Variants in NUDT14 observed in about 807,000 individuals in gnomAD.
NUDT14 encodes the protein uridine diphosphate glucose pyrophosphatase NUDT14.
In NUDT14, 22 loss-of-function variants were observed where a neutral mutation model predicts 17.5. That is an observed-to-expected ratio of 1.26 (90% CI 0.90 to 1.80). The LOEUF is 1.80. NUDT14 is among the 40% of genes most tolerant of loss of function. NUDT14 has a pLI of 0.00. For synonymous variants in NUDT14, 129 were observed against 125.8 expected (o/e 1.03, Z -0.17); for missense variants, 296 against 295.6 (o/e 1.00, Z -0.01).
At chr14:105,177,324 G>A (rs1354496934) in intron 2 of NUDT14, 10 of 574,526 alleles carry the variant, frequency 1.7e-5, no homozygotes, top group Non-Finnish European at 3.2e-5. Context: ...GAGGCCGGGT[G>A]ACTGACAGGA....
At chr14:105,175,103 T>A (rs1196469364) in intron 4 of NUDT14, among the ~76,000 whole-genome samples, 1 of 152,172 alleles carries the variant, frequency 6.6e-6, no homozygotes, top group Non-Finnish European at 1.5e-5. Flanking sequence ...AATCAGGCTG[T>A]GGCCCAGAGG....
In NUDT14 at chr14:105,173,076, AT is replaced by A; in HGVS notation, c.613del (p.Ile205SerfsTer24). On this transcript the variant is annotated frameshift_variant, in exon 5 of 5. Coordinates refer to ENST00000392568, the MANE Select transcript of NUDT14 (RefSeq NM_177533.5). LOFTEE classifies it high-confidence loss of function. This position sits in a 1 kb window ranked among gnomAD's most constrained non-coding sequence, Gnocchi z 4.7. ...DPDIPKTLGV[I>X]FGVSWFLSQV... ...GCTGAGGAACCATGAGACACCAAAG[AT>A]GACGCCGAGGGTCTTGGGGATGTCC... 6.5e-7 allele frequency: 1 copy of A among 1,546,768 alleles called. No homozygotes were observed. Among genetic ancestry groups the A allele is most frequent in the Non-Finnish European group, 8.7e-7 (1 of 1,147,478 alleles).
At position 105,181,291 on chromosome 14, in the gene NUDT14, G is replaced by C; in HGVS notation, c.-82C>G. On this transcript the variant is annotated 5_prime_UTR_variant, in exon 1 of 5. Transcript: ENST00000392568. This position sits in a 1 kb window ranked among gnomAD's most constrained non-coding sequence, Gnocchi z 5.0. ...GCCCTGTCCCGACAGGAGCCTTCGGGCGGGCGCGTGACCGCGGCTCTGAGC... is the reference window on the plus strand; with the variant it reads ...GCCCTGTCCCGACAGGAGCCTTCGGCCGGGCGCGTGACCGCGGCTCTGAGC... 1.7e-6 allele frequency: 1 copy of C among 593,610 alleles called. No homozygotes were observed. Among genetic ancestry groups the C allele is most frequent in the Non-Finnish European group, 2.2e-6 (1 of 452,306 alleles). The allele number at this position is 593,610 out of a possible 1,614,324, so 36.8% of individuals were successfully genotyped here.
chr14:105,177,860 C>A (rs986832351), intron 1 of NUDT14, 125 bp from the exon 2 acceptor site: 84 of 842,762 alleles, frequency 1.0e-4, no homozygotes, highest in Non-Finnish European at 1.4e-4. Context: ...CCTGGGCCCA[C>A]GGGAGCCAGG....
In NUDT14 at chr14:105,177,552, G is replaced by A. The variant is rs977353440; in HGVS notation, c.125+140C>T. 3.7e-5 allele frequency: 28 copies of A among 766,928 alleles called. No individual in the cohort carries two copies. In the East Asian group the frequency reaches 4.3e-4, roughly 12 times the overall value. The allele number at this position is 766,928 out of a possible 1,614,324, so 47.5% of individuals were successfully genotyped here. A position where few individuals can be genotyped will look rare whatever the true frequency, so the allele number is the denominator to read the frequency against. ...CTCAGGGATAGGAAACCCAGAGGCC[G>A]GGCAGAGAGAAGGGACTTTTGGAGC... is the stretch of plus-strand genomic sequence containing the variant. On this transcript the variant is annotated intron_variant, in intron 2 of 4. Transcript: ENST00000392568.
At chr14:105,176,301 C>T (rs587640537) in intron 4 of NUDT14, 36 of 592,466 alleles carry the variant, frequency 6.1e-5, no homozygotes, top group Admixed American at 3.9e-4. Context: ...CTGCCTCACA[C>T]AGCTGGGGGC....
chr14:105,177,667 TGGCCAGGCTG>T lies in NUDT14; in HGVS notation c.125+15_125+24del, dbSNP rs1889244741. ...AGACATCAGTCTGGGGCTTCCCCAG[TGGCCAGGCTG>T]GGCCAGGCTCTCACCTGTCATGCGT... On this transcript the variant is annotated intron_variant, in intron 2 of 4. Transcript: ENST00000392568. 1 of 1,610,738 alleles carries T rather than the reference TGGCCAGGCTG, an allele frequency of 6.2e-7. No homozygotes were observed. The highest frequency in any genetic ancestry group is 8.5e-7 in the Non-Finnish European group (1 of 1,178,416).
At chr14:105,176,813 G>A (rs1379067669) in intron 3 of NUDT14, 42 bp from the exon 4 acceptor site, 41 of 1,593,754 alleles carry the variant, frequency 2.6e-5, no homozygotes, top group Non-Finnish European at 3.5e-5. Flanking sequence ...GCCACGTGGT[G>A]GCCACCTCCA....
intron 2 of NUDT14, chr14:105,177,297 T>C: frequency 1.6e-6 from 1 of 611,640 alleles, no homozygotes; most frequent in Non-Finnish European, 3.0e-6. Flanking sequence ...GCTGAGTAGG[T>C]CAGGGTGCTC....
chr14:105,180,205 C>A lies in NUDT14; in HGVS notation c.81+924G>T, dbSNP rs587765497. On this transcript the variant is annotated intron_variant, in intron 1 of 4. Transcript: ENST00000392568. The stretch of plus-strand genomic sequence containing the variant: ...CTTCACCCAACACATATGCCTCATG[C>A]CTGTAATCCCCATGCTTTGGGAAGC... Among the ~76,000 whole-genome samples the A allele has an allele frequency of 3.9e-3, 597 of 152,292 alleles. 2 individuals are homozygous for A. The highest frequency in any genetic ancestry group is 5.6e-3 in the Non-Finnish European group (382 of 68,018).
Position 105,173,471 on chromosome 14 carries a change from T to C in NUDT14, c.429-210A>G. 2.3e-6 allele frequency: 1 copy of C among 441,436 alleles called. No individual in the cohort carries two copies. The highest frequency in any genetic ancestry group is 3.9e-6 in the Non-Finnish European group (1 of 259,368). The allele number at this position is 441,436 out of a possible 1,614,324, so 27.3% of individuals were successfully genotyped here. A position where few individuals can be genotyped will look rare whatever the true frequency, so the allele number is the denominator to read the frequency against. On this transcript the variant is annotated intron_variant, in intron 4 of 4. Coordinates refer to ENST00000392568, the MANE Select transcript of NUDT14 (RefSeq NM_177533.5). This position sits in a 1 kb window ranked among gnomAD's most constrained non-coding sequence, Gnocchi z 4.7. ...GCAGGGCATCCCTTCCCTGATCACG[T>C]TGTACTCGCCAGGTGGGGTGGGTGT...
In NUDT14 at chr14:105,177,733, A is replaced by G; in HGVS notation, c.84T>C (p.Asn28=). ...TGAAGTCCCAGGACTTCTGGGCACCATTCTAGAAGGGGCAGGTCAGCGGTT... is the reference window on the plus strand; with the variant it reads ...TGAAGTCCCAGGACTTCTGGGCACCGTTCTAGAAGGGGCAGGTCAGCGGTT... ...LRPLTLHYRQ[N]GAQKSWDFMK... is the part of the protein sequence containing the mutation. Residue 28 remains asparagine, a splice_region_variant and synonymous_variant, in exon 2 of 5, where the codon AAT becomes AAC. Coordinates refer to ENST00000392568, the MANE Select transcript of NUDT14 (RefSeq NM_177533.5). The G allele has an allele frequency of 2.5e-6, 4 of 1,612,218 alleles. No homozygotes were observed. The highest frequency in any genetic ancestry group is 1.7e-6 in the Non-Finnish European group (2 of 1,179,544).
chr14:105,176,233 G>A (rs892568725), intron 4 of NUDT14, among the ~76,000 whole-genome samples: 3 of 152,116 alleles, frequency 2.0e-5, no homozygotes, highest in Admixed American at 6.6e-5. Context: ...CACCCCCAGC[G>A]CCCGGTCTTA....
In NUDT14 at chr14:105,176,553, G is replaced by T; in HGVS notation, c.409C>A (p.Arg137Ser). Residue 137 changes from arginine to serine, a missense_variant, in exon 4 of 5, where the codon CGC (arginine) becomes AGC (serine). Transcript: ENST00000392568. The part of the protein sequence containing the change: ...CGYHLAPSDL[R>S]RVATYWSGVG... ...ACTCACCAGTATGTGGCGACCCGGC[G>T]CAGATCAGAGGGGGCCAAGTGGTAG... 1.2e-6 allele frequency: 2 copies of T among 1,612,532 alleles called. No individual in the cohort carries two copies. Among genetic ancestry groups the T allele is most frequent in the Non-Finnish European group, 8.5e-7 (1 of 1,179,772 alleles).
rs780271901 is a variant in NUDT14 at position 105,173,613 on chromosome 14, G to C, written c.429-352C>G. Reference sequence around the variant, plus strand: ...AGAGGGTGTTTCAACGCCAGAAAGGGAGAAATTCAGGCCAGTCCTGCTGGC... The same window carrying C: ...AGAGGGTGTTTCAACGCCAGAAAGGCAGAAATTCAGGCCAGTCCTGCTGGC... On this transcript the variant is annotated intron_variant, in intron 4 of 4. Transcript: ENST00000392568. This position sits in a 1 kb window ranked among gnomAD's most constrained non-coding sequence, Gnocchi z 4.7. 1 of 191,098 alleles carries C rather than the reference G, an allele frequency of 5.2e-6. No individual in the cohort carries two copies. The highest frequency in any genetic ancestry group is 1.1e-5 in the Non-Finnish European group (1 of 94,014). The allele number at this position is 191,098 out of a possible 1,614,324, so 11.8% of individuals were successfully genotyped here. A position where few individuals can be genotyped will look rare whatever the true frequency, so the allele number is the denominator to read the frequency against.
At position 105,176,963 on chromosome 14, in the gene NUDT14, C is replaced by T. The variant is rs1191625528; in HGVS notation, c.190G>A (p.Ala64Thr). 12 of 1,611,702 alleles carry T rather than the reference C, an allele frequency of 7.4e-6. No homozygotes were observed. Among genetic ancestry groups the T allele is most frequent in the Non-Finnish European group, 1.0e-5 (12 of 1,179,650 alleles). Residue 64 changes from alanine to threonine, a missense_variant and splice_region_variant, in exon 3 of 5, where the codon GCT becomes ACT. Ala to Thr is a moderately conservative substitution (Grantham distance 58). Coordinates refer to ENST00000392568, the MANE Select transcript of NUDT14 (RefSeq NM_177533.5). ...SLVLVKQFRPAVYAGEVERRF... is the reference protein window; with the variant it reads ...SLVLVKQFRPTVYAGEVERRF... ...CCCTTCCCACCCCAGCTGGCCTCAC[C>T]TGGCCGGAACTGCTTCACCAACACC...
chr14:105,175,741 C>T (rs1889199472), intron 4 of NUDT14: 3 of 1,003,052 alleles, frequency 3.0e-6, no homozygotes, highest in Non-Finnish European at 3.6e-6. Flanking sequence ...TCCACCCATC[C>T]AGCCAGGAAC....
Position 105,181,255 on chromosome 14 carries a change from C to A in NUDT14, c.-46G>T. 1.4e-6 allele frequency: 1 copy of A among 737,698 alleles called. No individual in the cohort carries two copies. Among genetic ancestry groups the A allele is most frequent in the Non-Finnish European group, 1.7e-6 (1 of 577,612 alleles). The allele number at this position is 737,698 out of a possible 1,614,324, so 45.7% of individuals were successfully genotyped here. ...GGGCCGCGAGCTCTGCGGGGGCCGA[C>A]ACGGGGCGGCGCCCTGTCCCGACAG... On this transcript the variant is annotated 5_prime_UTR_variant, in exon 1 of 5. Coordinates refer to ENST00000392568, the MANE Select transcript of NUDT14 (RefSeq NM_177533.5). This position sits in a 1 kb window ranked among gnomAD's most constrained non-coding sequence, Gnocchi z 5.0.
At chr14:105,174,671 CTG>C (rs969674839) in intron 4 of NUDT14, among the ~76,000 whole-genome samples, 3 of 152,120 alleles carry the variant, frequency 2.0e-5, no homozygotes, top group Non-Finnish European at 2.9e-5. Context: ...AGTGGCGGGT[CTG>C]GGGTTTCCAG....
Sources: gnomAD v4.1 joint callset for allele counts (sites outside exome capture counted in the v4.1 genomes callset) on GRCh38, gnomAD v4.1.1 for gene constraint, Gnocchi (gnomAD v3.1) non-coding constraint, MANE v1.5 for transcripts, NCBI Gene and HGNC (gene_info 2026-07-23, HGNC 2026-07-21) for gene names.